The following MZT2B variants were observed in gnomAD, a reference collection of about 807,000 sequenced individuals.
MZT2B encodes the protein mitotic spindle organizing protein 2B, also known as mitotic-spindle organizing protein 2B.
MZT2B carries 11 observed loss-of-function variants against 12.1 expected under a neutral mutation model. The observed-to-expected ratio is 0.91, with a 90% CI of 0.57 to 1.50. The LOEUF is 1.50. Ranked by LOEUF, MZT2B falls within the 40% of genes most tolerant of loss-of-function variation. The pLI, the probability that MZT2B is intolerant of heterozygous loss-of-function variation, is 0.00. For missense variants in MZT2B, 209 were observed against 227.7 expected, an observed-to-expected ratio of 0.92 and a Z score of 0.53; for synonymous variants, 85 against 109.5, an observed-to-expected ratio of 0.78 and a Z score of 1.40.
downstream of MZT2B, chr2:130,191,686 G>C: frequency 7.0e-7 from 1 of 1,422,040 alleles, no homozygotes; most frequent in Non-Finnish European, 9.4e-7. Flanking sequence ...TGTCCATGCA[G>C]GCTCTGGGGT....
intron 2 of MZT2B, among the ~76,000 whole-genome samples, chr2:130,185,994 G>A (rs1690045772): frequency 1.3e-5 from 2 of 152,232 alleles, no homozygotes; most frequent in Admixed American, 1.3e-4. Flanking sequence ...GGCAGATGTG[G>A]GGCCACACCA....
At chr2:130,201,004 T>G in the MZT2B span, among the ~76,000 whole-genome samples, 58,350 of 139,306 alleles carry the variant, frequency 0.42, 10,916 homozygotes, top group Admixed American at 0.48. Context: ...TCCCACCATG[T>G]CATCTCCCTG....
At position 130,190,529 on chromosome 2, in the gene MZT2B, G is replaced by C; in HGVS notation, c.380G>C (p.Arg127Pro). The change falls in exon 3 of 3, where the codon CGC becomes CCC. Residue 127 changes from arginine (R) to proline (P), a missense_variant. Transcript: ENST00000281871. ...GALALAERSS[R>P]EGSSQRMPRQ... ...TTGGCCCTGGCGGAACGCAGCAGCC[G>C]CGAAGGATCCAGCCAGAGGATGCCA... The C allele has an allele frequency of 6.2e-7, 1 of 1,613,862 alleles. No homozygotes were observed. Among genetic ancestry groups the C allele is most frequent in the Non-Finnish European group, 8.5e-7 (1 of 1,180,000 alleles).
chr2:130,196,438 A>C, the MZT2B span: 15 of 1,562,474 alleles, frequency 9.6e-6, no homozygotes, highest in African/African-American at 1.5e-4. Flanking sequence ...TGGCATGCAA[A>C]ATATTCTAAT....
chr2:130,186,085 A>C (rs898189270), intron 2 of MZT2B, among the ~76,000 whole-genome samples: 1 of 151,802 alleles, frequency 6.6e-6, no homozygotes, highest in Non-Finnish European at 1.5e-5. Context: ...ACAGCATCTG[A>C]CCACACAGAG....
rs1315847568 is a variant in MZT2B at position 130,190,575 on chromosome 2, G to A, written c.426G>A (p.Arg142=). The A allele has an allele frequency of 1.2e-6, 2 of 1,613,396 alleles. No individual in the cohort carries two copies. The highest frequency in any genetic ancestry group is 1.7e-6 in the Non-Finnish European group (2 of 1,179,832). Residue 142 remains arginine (R), a synonymous_variant, in exon 3 of 3, where the codon AGG becomes AGA. Coordinates refer to ENST00000281871, the MANE Select transcript of MZT2B (RefSeq NM_025029.5). The part of the protein sequence containing the change: ...QRMPRQPSAT[R]LPKGGGPGKS... ...TGCCACGCCAGCCCAGCGCTACCAGGCTGCCCAAGGGGGGCGGGCCTGGGA... is the reference window on the plus strand; with the variant it reads ...TGCCACGCCAGCCCAGCGCTACCAGACTGCCCAAGGGGGGCGGGCCTGGGA...
At chr2:130,185,769 G>A (rs1292620102) in intron 2 of MZT2B, among the ~76,000 whole-genome samples, 1 of 147,864 alleles carries the variant, frequency 6.8e-6, no homozygotes, top group Admixed American at 6.9e-5. Context: ...AGGATTAGGG[G>A]GTGCTGTGTG....
chr2:130,187,167 T>G (rs1243617624), intron 2 of MZT2B, among the ~76,000 whole-genome samples: 3 of 151,862 alleles, frequency 2.0e-5, no homozygotes, highest in Admixed American at 6.6e-5. Flanking sequence ...GTATTTGAGC[T>G]AATTCTGCAT....
chr2:130,186,003 C>T (rs1276428759), intron 2 of MZT2B, among the ~76,000 whole-genome samples: 6 of 152,094 alleles, frequency 3.9e-5, no homozygotes, highest in African/African-American at 1.4e-4. Flanking sequence ...GGGGCCACAC[C>T]AGGAGTGTGC....
At chr2:130,193,696 T>A, downstream of MZT2B, 1 of 1,500,904 alleles carries the variant, frequency 6.7e-7, no homozygotes, top group South Asian at 1.3e-5. Context: ...GGAACAGGGA[T>A]AGTCTCCCCA....
At position 130,185,310 on chromosome 2, in the gene MZT2B, C is replaced by CAAA. The variant is rs34780324; in HGVS notation, c.319+2548_319+2550dup. Among the ~76,000 whole-genome samples, 48 of 117,280 alleles carry CAAA rather than the reference C, an allele frequency of 4.1e-4. 1 individual carries two copies. Among genetic ancestry groups the CAAA allele is most frequent in the East Asian group, 2.0e-3 (8 of 3,916 alleles). 76.9% of individuals were successfully genotyped at this position (117,280 alleles called of 152,430 possible). On this transcript the variant is annotated intron_variant, in intron 2 of 2. Transcript: ENST00000281871. ...TGGGGGACAGAGCGAGACTCCGTCT[C>CAAA]AAAAAAAAAAAAAAACTAGCCAGGT... is the stretch of plus-strand genomic sequence containing the variant.
chr2:130,185,187 T>C (rs1690010440), intron 2 of MZT2B, among the ~76,000 whole-genome samples: 1 of 151,950 alleles, frequency 6.6e-6, no homozygotes, highest in East Asian at 1.9e-4. Flanking sequence ...GGCAGGTGCC[T>C]GTAGTCCCAG....
downstream of MZT2B, chr2:130,194,064 C>G (rs373548775): frequency 3.7e-6 from 6 of 1,614,144 alleles, no homozygotes; most frequent in East Asian, 1.3e-4. Flanking sequence ...GGGTACGGCA[C>G]GAGGTTGGTC....
chr2:130,204,350 C>G, the MZT2B span: 1 of 374,854 alleles, frequency 2.7e-6, no homozygotes, highest in Non-Finnish European at 5.5e-6. Flanking sequence ...ATGCAGAAAG[C>G]TGACATGATG....
intron 2 of MZT2B, chr2:130,183,732 C>G (rs1689921284): frequency 6.5e-7 from 1 of 1,550,380 alleles, no homozygotes. Flanking sequence ...GCGTGCTGGC[C>G]TCTTCACTGA....
At chr2:130,203,048 C>CTTTTTTTTTTTTTTTTTT in the MZT2B span, among the ~76,000 whole-genome samples, 4 of 118,522 alleles carry the variant, frequency 3.4e-5, no homozygotes, top group Non-Finnish European at 5.3e-5. Context: ...TTTCTTTTTT[C>CTTTTTTTTTTTTTTTTTT]TTTTTTTTTT....
At chr2:130,199,298 G>A in the MZT2B span, among the ~76,000 whole-genome samples, 2 of 121,982 alleles carry the variant, frequency 1.6e-5, no homozygotes, top group African/African-American at 2.9e-5. Context: ...TAATTCCAGT[G>A]CTTTGGGAGG....
the MZT2B span, among the ~76,000 whole-genome samples, chr2:130,203,172 A>G: frequency 1.3e-5 from 2 of 149,844 alleles, no homozygotes; most frequent in African/African-American, 4.9e-5. Flanking sequence ...AAGTCCTTGG[A>G]CCTGTAGTTT....
At chr2:130,189,920 C>T (rs1690195121) in intron 2 of MZT2B, among the ~76,000 whole-genome samples, 1 of 152,192 alleles carries the variant, frequency 6.6e-6, no homozygotes, top group Non-Finnish European at 1.5e-5. Flanking sequence ...TTGACCACTG[C>T]AGAACACTCG....
Sources: allele counts gnomAD v4.1 joint callset (sites outside exome capture counted in the v4.1 genomes callset), GRCh38; gene constraint gnomAD v4.1.1; transcripts MANE v1.5; gene names NCBI Gene and HGNC (gene_info 2026-07-23, HGNC 2026-07-21).